The following NDUFA3 variants were observed in gnomAD, a reference collection of about 807,000 sequenced individuals.
NDUFA3 encodes the protein NADH dehydrogenase [ubiquinone] 1 alpha subcomplex subunit 3.
NDUFA3 carries 10 observed loss-of-function variants against 11.4 expected under a neutral mutation model. That is an observed-to-expected ratio of 0.87 (90% CI 0.54 to 1.48). NDUFA3 has a LOEUF of 1.48. NDUFA3 is among the 40% of genes most tolerant of loss of function. The pLI is 0.00. For missense variants in NDUFA3, 115 were observed against 110.5 expected, an observed-to-expected ratio of 1.04 and a Z score of -0.18; for synonymous variants, 39 against 46.9, an observed-to-expected ratio of 0.83 and a Z score of 0.68.
intron 2 of NDUFA3, 117 bp downstream of exon 2, chr19:54,103,305 C>T: frequency 2.9e-6 from 3 of 1,034,130 alleles, no homozygotes; most frequent in Admixed American, 2.9e-5. Context: ...TGTGTCTGCA[C>T]CCCCACGGCA....
intron 2 of NDUFA3, among the ~76,000 whole-genome samples, chr19:54,105,266 T>C (rs10675312): frequency 8.7e-6 from 1 of 115,208 alleles, no homozygotes; most frequent in African/African-American, 3.4e-5. Context: ...TTGTAAGGCT[T>C]TTTTTTTTTT....
rs772390777 is a variant in NDUFA3 at position 54,107,178 on chromosome 19, G to A, written c.*276G>A. ...TCTTCCTCAACCTTAATCTGCAGGA[G>A]ATAAGGAACAAGGTGTTAACAGGCC... On this transcript the variant is annotated 3_prime_UTR_variant, in exon 4 of 4. Transcript: ENST00000485876. The A allele has an allele frequency of 2.5e-6, 4 of 1,611,694 alleles. No homozygotes were observed. In the African/African-American group the frequency reaches 5.4e-5, roughly 22 times the overall value.
intron 2 of NDUFA3, chr19:54,105,619 C>G: frequency 1.6e-6 from 1 of 606,146 alleles, no homozygotes; most frequent in East Asian, 3.7e-5. Flanking sequence ...ACACTACCCC[C>G]AGGATGCTCC....
chr19:54,103,318 C>T, intron 2 of NDUFA3, 130 bp downstream of exon 2: 2 of 919,264 alleles, frequency 2.2e-6, no homozygotes, highest in South Asian at 1.8e-5. Flanking sequence ...CCACGGCATC[C>T]CCTTATCTAT....
In NDUFA3 at chr19:54,103,128, C is replaced by A. The variant is rs150617809; in HGVS notation, c.25C>A (p.Leu9Ile). ...CACCCCTTCAGGAGTCGGCGCCTTCCTCAAGAATGCCTGGGACAAGGAGCC... is the reference window on the plus strand; with the variant it reads ...CACCCCTTCAGGAGTCGGCGCCTTCATCAAGAATGCCTGGGACAAGGAGCC... The part of the protein sequence containing the change: MAARVGAF[L>I]KNAWDKEPVL... The change falls in exon 2 of 4, where the codon CTC (leucine) becomes ATC (isoleucine). Residue 9 changes from leucine (L) to isoleucine (I), a missense_variant. Physicochemically the swap from Leu to Ile is conservative, Grantham distance 5. Coordinates refer to ENST00000485876, the MANE Select transcript of NDUFA3 (RefSeq NM_004542.4). 3.8e-5 allele frequency: 62 copies of A among 1,612,148 alleles called. No homozygotes were observed. In the African/African-American group the frequency reaches 5.9e-4, roughly 15 times the overall value.
intron 3 of NDUFA3, chr19:54,106,459 G>A (rs998867167): frequency 5.6e-5 from 20 of 355,864 alleles, no homozygotes; most frequent in African/African-American, 3.6e-4. Flanking sequence ...GTGAGCCACC[G>A]CGCCTGGCCT....
chr19:54,102,948 C>A (rs1422621914), intron 1 of NDUFA3, 60 bp downstream of exon 1: 4 of 1,591,376 alleles, frequency 2.5e-6, no homozygotes, highest in Admixed American at 3.5e-5. Context: ...TCTGGGCGGT[C>A]CTGGGACTGA....
rs748378729 is a variant in NDUFA3, at chr19:54,107,176, G to A, written c.*274G>A. 10 of 1,611,872 alleles carry A rather than the reference G, an allele frequency of 6.2e-6. No homozygotes were observed. Among genetic ancestry groups the A allele is most frequent in the African/African-American group, 1.3e-5 (1 of 74,676 alleles). On this transcript the variant is annotated 3_prime_UTR_variant, in exon 4 of 4. Transcript: ENST00000485876. ...AGTCTTCCTCAACCTTAATCTGCAG[G>A]AGATAAGGAACAAGGTGTTAACAGG...
At position 54,105,264 on chromosome 19, in the gene NDUFA3, C is replaced by CCTTTTTTTTTTTTTTTTTTTTTTTTTTT. The variant is rs1316415018; in HGVS notation, c.86-670_86-669insCTTTTTTTTTTTTTTTTTTTTTTTTTTT. Among the ~76,000 whole-genome samples, 13 of 71,258 alleles carry CCTTTTTTTTTTTTTTTTTTTTTTTTTTT rather than the reference C, an allele frequency of 1.8e-4. 3 individuals are homozygous for CCTTTTTTTTTTTTTTTTTTTTTTTTTTT. The highest frequency in any genetic ancestry group is 2.0e-4 in the Non-Finnish European group (8 of 39,670). 46.7% of individuals were successfully genotyped at this position (71,258 alleles called of 152,430 possible). A position where few individuals can be genotyped will look rare whatever the true frequency, so the allele number is the denominator to read the frequency against. On this transcript the variant is annotated intron_variant, in intron 2 of 3. Transcript: ENST00000485876. The stretch of plus-strand genomic sequence containing the variant: ...ACCCTTTCTCCTCCAGTTTGTAAGG[C>CCTTTTTTTTTTTTTTTTTTTTTTTTTTT]TTTTTTTTTTTTTTTTTTTTTGGTG...
At chr19:54,104,099 C>T (rs1478272411) in intron 2 of NDUFA3, among the ~76,000 whole-genome samples, 1 of 148,426 alleles carries the variant, frequency 6.7e-6, no homozygotes, top group African/African-American at 2.5e-5. Flanking sequence ...TCCCAAAGTG[C>T]TGGGATTACA....
At chr19:54,104,549 A>G (rs2073198286) in intron 2 of NDUFA3, among the ~76,000 whole-genome samples, 1 of 152,094 alleles carries the variant, frequency 6.6e-6, no homozygotes, top group Admixed American at 6.6e-5. Flanking sequence ...AAGGTTCTGA[A>G]CACTTATTCA....
intron 1 of NDUFA3, 52 bp downstream of exon 1, chr19:54,102,940 T>G: frequency 6.3e-7 from 1 of 1,596,870 alleles, no homozygotes; most frequent in South Asian, 1.1e-5. Flanking sequence ...TGGGAACCTC[T>G]GGGCGGTCCT....
At chr19:54,106,208 GGTT>G in intron 3 of NDUFA3, 197 bp downstream of exon 3, 1 of 590,370 alleles carries the variant, frequency 1.7e-6, no homozygotes, top group South Asian at 2.1e-5. Flanking sequence ...TGTTTTTTGG[GGTT>G]TTTTTGAGAC....
chr19:54,106,481 T>G, intron 3 of NDUFA3: 2 of 383,864 alleles, frequency 5.2e-6, no homozygotes, highest in Non-Finnish European at 4.7e-6. Context: ...TGCTTCGAGT[T>G]TCTATTACCT....
At position 54,103,143 on chromosome 19, in the gene NDUFA3, G is replaced by A; in HGVS notation, c.40G>A (p.Asp14Asn). The A allele has an allele frequency of 6.2e-7, 1 of 1,611,638 alleles. No homozygotes were observed. Among genetic ancestry groups the A allele is most frequent in the Non-Finnish European group, 8.5e-7 (1 of 1,178,638 alleles). ...RVGAFLKNAW[D>N]KEPVLVVSFV... is the part of the protein sequence containing the mutation. ...CGGCGCCTTCCTCAAGAATGCCTGGGACAAGGAGCCAGTGCTGGTCGTGTC... is the reference window on the plus strand; with the variant it reads ...CGGCGCCTTCCTCAAGAATGCCTGGAACAAGGAGCCAGTGCTGGTCGTGTC... The change falls in exon 2 of 4, where the codon GAC becomes AAC. Residue 14 changes from aspartate to asparagine, a missense_variant. Transcript: ENST00000485876.
At position 54,103,169 on chromosome 19, in the gene NDUFA3, C is replaced by A. The variant is rs756024618; in HGVS notation, c.66C>A (p.Ser22=). ...AWDKEPVLVV[S]FVVGGLAVIL... ...ACAAGGAGCCAGTGCTGGTCGTGTC[C>A]TTCGTCGTCGGGGGCCTCGGTGCGT... The change falls in exon 2 of 4, where the codon TCC becomes TCA. Residue 22 remains serine (S), a synonymous_variant. Transcript: ENST00000485876. 2 of 1,601,696 alleles carry A rather than the reference C, an allele frequency of 1.2e-6. No homozygotes were observed. The highest frequency in any genetic ancestry group is 1.3e-5 in the African/African-American group (1 of 74,550).
At chr19:54,104,532 CT>C (rs2073197719) in intron 2 of NDUFA3, among the ~76,000 whole-genome samples, 1 of 152,098 alleles carries the variant, frequency 6.6e-6, no homozygotes, top group Admixed American at 6.6e-5. Flanking sequence ...CAGCCAGGCA[CT>C]AGGTTAAGGT....
rs374679686 is a variant in NDUFA3 at position 54,105,884 on chromosome 19, T to G, written c.86-50T>G. On this transcript the variant is annotated intron_variant, in intron 2 of 3. Coordinates refer to ENST00000485876, the MANE Select transcript of NDUFA3 (RefSeq NM_004542.4). Reference sequence around the variant, plus strand: ...TGCCAAGGCTCACCTTCTCTTCCCCTCTCTTCAGAGCCACCTTCCCCTGGG... The same window carrying G: ...TGCCAAGGCTCACCTTCTCTTCCCCGCTCTTCAGAGCCACCTTCCCCTGGG... 3.6e-5 allele frequency: 54 copies of G among 1,506,868 alleles called. No individual in the cohort carries two copies. The African/African-American group carries it at 6.9e-4, about 19-fold the overall frequency. 93.3% of individuals were successfully genotyped at this position (1,506,868 alleles called of 1,614,324 possible).
chr19:54,104,212 A>G (rs2073187791), intron 2 of NDUFA3, among the ~76,000 whole-genome samples: 1 of 132,748 alleles, frequency 7.5e-6, no homozygotes, highest in Non-Finnish European at 1.5e-5. Context: ...ATCATGGCTC[A>G]CTGCAACCTC....
Sources: allele counts gnomAD v4.1 joint callset (sites outside exome capture counted in the v4.1 genomes callset), GRCh38; gene constraint gnomAD v4.1.1; transcripts MANE v1.5; gene names NCBI Gene and HGNC (gene_info 2026-07-23, HGNC 2026-07-21).